Variants in CEP63 observed in about 807,000 individuals in gnomAD.
CEP63 encodes the protein centrosomal protein of 63 kDa.
A neutral mutation model predicts 89.1 loss-of-function variants in CEP63; 84 were observed. The observed-to-expected ratio is 0.94, with a 90% CI of 0.79 to 1.13. The LOEUF is 1.13. Ranked by LOEUF, CEP63 falls within the 50% of genes most tolerant of loss-of-function variation. The pLI is 0.00. For missense variants in CEP63, 838 were observed against 813.3 expected, an observed-to-expected ratio of 1.03 and a Z score of -0.37; for synonymous variants, 267 against 272.5, an observed-to-expected ratio of 0.98 and a Z score of 0.20.
chr3:134,681,463 T>G, the CEP63 span, among the ~76,000 whole-genome samples: 1 of 152,146 alleles, frequency 6.6e-6, no homozygotes, highest in Non-Finnish European at 1.5e-5. Context: ...TGAACCCACA[T>G]GCAATGTGTG....
At chr3:134,537,454 A>G (rs539578034) in intron 6 of CEP63, among the ~76,000 whole-genome samples, 186 bp downstream of exon 6, 1 of 152,072 alleles carries the variant, frequency 6.6e-6, no homozygotes, top group African/African-American at 2.4e-5. Context: ...GCCCTCACAC[A>G]TGCGTGCATT....
At chr3:134,756,359 T>A in the CEP63 span, among the ~76,000 whole-genome samples, 3 of 152,322 alleles carry the variant, frequency 2.0e-5, no homozygotes, top group East Asian at 5.8e-4. Context: ...GTATCCTTTT[T>A]TTGAGACAGG....
At chr3:134,678,337 C>A in the CEP63 span, among the ~76,000 whole-genome samples, 3 of 152,188 alleles carry the variant, frequency 2.0e-5, no homozygotes, top group Non-Finnish European at 4.4e-5. Flanking sequence ...TCTGTACCCC[C>A]ACCCAGGCCA....
the CEP63 span, among the ~76,000 whole-genome samples, chr3:134,666,989 T>G: frequency 6.6e-6 from 1 of 152,172 alleles, no homozygotes; most frequent in African/African-American, 2.4e-5. Context: ...CCCTGTGTCT[T>G]TTAATGACTC....
Position 134,585,562 on chromosome 3 carries a change from T to C in CEP63, c.1207-1896T>C, listed in dbSNP as rs564660717. Among the ~76,000 whole-genome samples the C allele has an allele frequency of 2.0e-5, 3 of 152,322 alleles. No individual in the cohort carries two copies. The East Asian group carries it at 5.8e-4, about 29-fold the overall frequency. On this transcript the variant is annotated intron_variant, in intron 10 of 10. Coordinates refer to the CEP63 transcript ENST00000683931. Reference sequence around the variant, plus strand: ...TTGCATTGTAGTCTGAGAGATAGTTTGTTGTGATTTCTGTTCTCTTACATT... The same window carrying C: ...TTGCATTGTAGTCTGAGAGATAGTTCGTTGTGATTTCTGTTCTCTTACATT...
the CEP63 span, among the ~76,000 whole-genome samples, chr3:134,744,760 CTCCCTCCTCTTCCT>C: frequency 6.6e-6 from 1 of 152,154 alleles, no homozygotes; most frequent in Admixed American, 6.5e-5. Flanking sequence ...TCAAGCAATC[CTCCCTCCTCTTCCT>C]TCCAAAGTGC....
chr3:134,701,029 TG>T, the CEP63 span, among the ~76,000 whole-genome samples: 1 of 19,734 alleles, frequency 5.1e-5, no homozygotes, highest in Non-Finnish European at 2.2e-4. Flanking sequence ...TGCTTTTATA[TG>T]TTTTTTTGTG....
chr3:134,708,681 A>T, the CEP63 span, among the ~76,000 whole-genome samples: 1 of 152,176 alleles, frequency 6.6e-6, no homozygotes, highest in Non-Finnish European at 1.5e-5. Flanking sequence ...TTTCTCTGAG[A>T]TGTAACAAGA....
At chr3:134,716,506 T>C in the CEP63 span, among the ~76,000 whole-genome samples, 1 of 152,204 alleles carries the variant, frequency 6.6e-6, no homozygotes, top group African/African-American at 2.4e-5. Context: ...TGGCGGCTCA[T>C]GTGCCCTTCC....
At chr3:134,523,113 A>G (rs2108809009) in intron 3 of CEP63, among the ~76,000 whole-genome samples, 1 of 152,212 alleles carries the variant, frequency 6.6e-6, no homozygotes, top group South Asian at 2.1e-4. Flanking sequence ...GTGAGATGGT[A>G]TTTCATTGTG....
downstream of CEP63, among the ~76,000 whole-genome samples, chr3:134,577,238 C>CA (rs1028947012): frequency 9.1e-6 from 1 of 110,494 alleles, no homozygotes; most frequent in Admixed American, 1.1e-4. Flanking sequence ...GAACCAAAGC[C>CA]AAAAAACTTC....
At chr3:134,709,776 A>G in the CEP63 span, among the ~76,000 whole-genome samples, 784 of 152,346 alleles carry the variant, frequency 5.1e-3, 3 homozygotes, top group Non-Finnish European at 6.3e-3. Flanking sequence ...CTTGGGGCCA[A>G]CAGAGCTGAG....
At chr3:134,735,693 T>A in the CEP63 span, among the ~76,000 whole-genome samples, 1 of 152,198 alleles carries the variant, frequency 6.6e-6, no homozygotes, top group South Asian at 2.1e-4. Context: ...GGATTACAAA[T>A]GCATTTTAGC....
At chr3:134,597,313 T>C in the CEP63 span, among the ~76,000 whole-genome samples, 3 of 152,148 alleles carry the variant, frequency 2.0e-5, no homozygotes, top group Non-Finnish European at 4.4e-5. Flanking sequence ...TTGGAGTACA[T>C]ATTTCTCCTA....
At chr3:134,522,153 T>A (rs1166347262) in intron 3 of CEP63, among the ~76,000 whole-genome samples, 9 of 152,220 alleles carry the variant, frequency 5.9e-5, no homozygotes, top group Admixed American at 5.9e-4. Context: ...AAAAACATTT[T>A]ACTTCCTACC....
intron 11 of CEP63, among the ~76,000 whole-genome samples, chr3:134,573,915 C>G (rs1958121504): frequency 1.3e-5 from 2 of 152,142 alleles, no homozygotes; most frequent in African/African-American, 4.8e-5. Flanking sequence ...TTTGGAAGCC[C>G]TCAGCATTTA....
the CEP63 span, among the ~76,000 whole-genome samples, chr3:134,781,671 A>T: frequency 6.6e-6 from 1 of 152,262 alleles, no homozygotes; most frequent in African/African-American, 2.4e-5. Context: ...AAAATGCTGC[A>T]TTGTTAAAAA....
At chr3:134,629,502 G>T in the CEP63 span, 1 of 712,478 alleles carries the variant, frequency 1.4e-6, no homozygotes, top group Non-Finnish European at 2.5e-6. Flanking sequence ...TTCCCAGTTT[G>T]CAGGCCCATG....
intron 3 of CEP63, among the ~76,000 whole-genome samples, chr3:134,512,071 A>G (rs541627674): frequency 1.3e-5 from 2 of 152,336 alleles, no homozygotes; most frequent in Non-Finnish European, 2.9e-5. Flanking sequence ...TTAAACAGCT[A>G]AAACTGTTAA....
Sources: allele counts gnomAD v4.1 joint callset (sites outside exome capture counted in the v4.1 genomes callset), GRCh38; gene constraint gnomAD v4.1.1; transcripts MANE v1.5; gene names NCBI Gene and HGNC (gene_info 2026-07-23, HGNC 2026-07-21).